Variants in TUBD1 observed in about 807,000 individuals in gnomAD.
TUBD1 encodes tubulin delta 1, also known as tubulin delta chain.
A neutral mutation model predicts 51.2 loss-of-function variants in TUBD1; 38 were observed. The ratio of observed to expected loss-of-function variants is 0.74; its 90% CI spans 0.57 to 0.97. The LOEUF is 0.97. Ranked by LOEUF, TUBD1 falls within the 50% of genes least tolerant of loss-of-function variation. TUBD1 has a pLI of 0.00. For synonymous variants in TUBD1, 169 were observed against 178.2 expected (o/e 0.95, Z 0.41); for missense variants, 489 against 538.4 (o/e 0.91, Z 0.91).
At chr17:59,886,024 A>G in intron 3 of TUBD1, 59 bp downstream of exon 3, 2 of 1,562,022 alleles carry the variant, frequency 1.3e-6, no homozygotes, top group Non-Finnish European at 8.8e-7. Context: ...TAACTTTGCT[A>G]TCTATTAATT....
chr17:59,890,718 AG>A (rs2040960342), intron 2 of TUBD1, 112 bp downstream of exon 2: 1 of 890,966 alleles, frequency 1.1e-6, no homozygotes, highest in African/African-American at 1.7e-5. Flanking sequence ...GCAAAAACAA[AG>A]TAATTCCCTA....
In TUBD1 at chr17:59,874,528, C is replaced by T; in HGVS notation, c.934+11G>A. The T allele has an allele frequency of 6.2e-7, 1 of 1,606,342 alleles. No homozygotes were observed. On this transcript the variant is annotated intron_variant, in intron 6 of 8. Coordinates refer to ENST00000325752, the MANE Select transcript of TUBD1 (RefSeq NM_016261.4). ...AGCTTGTGGGCTGCATATTTTTGGA[C>T]TACTCTTTACCTTCTTCCATCTTTG...
chr17:59,867,190 C>T (rs1319396639), intron 6 of TUBD1, among the ~76,000 whole-genome samples: 1 of 151,706 alleles, frequency 6.6e-6, no homozygotes, highest in South Asian at 2.1e-4. Flanking sequence ...CAGGGTCTCT[C>T]GCTATGTCAC....
intron 8 of TUBD1, among the ~76,000 whole-genome samples, chr17:59,860,855 G>C (rs1013121370): frequency 1.3e-5 from 2 of 151,952 alleles, no homozygotes; most frequent in South Asian, 4.1e-4. Flanking sequence ...CCAAAGTGCT[G>C]GGATTACAGG....
intron 5 of TUBD1, among the ~76,000 whole-genome samples, chr17:59,877,250 G>A (rs1598541747): frequency 6.6e-6 from 1 of 152,222 alleles, no homozygotes; most frequent in Non-Finnish European, 1.5e-5. Context: ...CAAAATCCCA[G>A]TCTTCGGCCA....
At chr17:59,861,544 A>G (rs148541408) in intron 8 of TUBD1, among the ~76,000 whole-genome samples, 1 of 152,270 alleles carries the variant, frequency 6.6e-6, no homozygotes, top group Non-Finnish European at 1.5e-5. Flanking sequence ...TGCAAAAAGA[A>G]TATCAAGGGC....
In TUBD1 at chr17:59,878,088, TA is replaced by T. The variant is rs1354737132; in HGVS notation, c.769+14del. ...ATAAGGCTTTCCTATAATTAACGTA[TA>T]GAGGGACAAATACCTAGTGGATTTC... On this transcript the variant is annotated intron_variant, in intron 5 of 8. Transcript: ENST00000325752. The T allele has an allele frequency of 3.1e-6, 5 of 1,598,888 alleles. No homozygotes were observed. The Admixed American group carries it at 8.4e-5, about 27-fold the overall frequency.
intron 3 of TUBD1, among the ~76,000 whole-genome samples, chr17:59,882,272 AT>A (rs1349936801): frequency 6.7e-6 from 1 of 150,278 alleles, no homozygotes; most frequent in Non-Finnish European, 1.5e-5. Flanking sequence ...CTCCTTTTTT[AT>A]TTTTTTTGTT....
At chr17:59,879,061 T>A (rs897851841) in intron 4 of TUBD1, among the ~76,000 whole-genome samples, 11 of 151,964 alleles carry the variant, frequency 7.2e-5, no homozygotes, top group Admixed American at 1.3e-4. Context: ...GATCACCTGA[T>A]GTTGAGGGTT....
chr17:59,891,529 ACT>A (rs993192224), intron 1 of TUBD1, among the ~76,000 whole-genome samples: 19 of 152,050 alleles, frequency 1.2e-4, no homozygotes, highest in African/African-American at 4.3e-4. Context: ...AAGTTCTCAT[ACT>A]CTCTACATGG....
At chr17:59,862,569 C>T (rs952687408) in intron 8 of TUBD1, among the ~76,000 whole-genome samples, 12 of 151,520 alleles carry the variant, frequency 7.9e-5, no homozygotes, top group African/African-American at 1.7e-4. Context: ...GATGGAGTCT[C>T]GCTCTTGTTG....
At chr17:59,871,689 A>G (rs2039988777) in intron 6 of TUBD1, among the ~76,000 whole-genome samples, 1 of 152,230 alleles carries the variant, frequency 6.6e-6, no homozygotes, top group Non-Finnish European at 1.5e-5. Context: ...CCTAGAGAGC[A>G]GTCAGTCCAG....
chr17:59,871,267 C>T (rs541562234), intron 6 of TUBD1, among the ~76,000 whole-genome samples: 2 of 152,278 alleles, frequency 1.3e-5, no homozygotes, highest in South Asian at 4.1e-4. Flanking sequence ...ACGATCTCAG[C>T]TCACTGCAAC....
intron 3 of TUBD1, among the ~76,000 whole-genome samples, chr17:59,884,179 T>C (rs1246494588): frequency 6.6e-6 from 1 of 151,558 alleles, no homozygotes; most frequent in Non-Finnish European, 1.5e-5. Context: ...GAGAATCACT[T>C]GAACCCGGGA....
Position 59,892,896 on chromosome 17 carries a change from A to T in TUBD1, c.-239T>A. On this transcript the variant is annotated 5_prime_UTR_variant, in exon 1 of 9. Coordinates refer to ENST00000325752, the MANE Select transcript of TUBD1 (RefSeq NM_016261.4). The stretch of plus-strand genomic sequence containing the variant: ...TTCAATTTCAATTTACGAACTTCAG[A>T]TATGGTACGCATGCTCACTGTCCAC... The T allele has an allele frequency of 2.4e-6, 1 of 420,818 alleles. No individual in the cohort carries two copies. 26.1% of individuals were successfully genotyped at this position (420,818 alleles called of 1,614,324 possible).
chr17:59,872,693 AATGTGTGT>A (rs1394432317), intron 6 of TUBD1, among the ~76,000 whole-genome samples: 104 of 97,976 alleles, frequency 1.1e-3, no homozygotes, highest in African/African-American at 4.2e-3. Context: ...TGAAAATGGG[AATGTGTGT>A]GTGTGTGTGT....
intron 4 of TUBD1, among the ~76,000 whole-genome samples, 189 bp downstream of exon 4, chr17:59,880,705 G>A (rs922208788): frequency 1.3e-5 from 2 of 151,562 alleles, no homozygotes; most frequent in South Asian, 2.1e-4. Context: ...TAGTAGAGAC[G>A]GGGTTTCACC....
At chr17:59,867,801 GA>G (rs1444283596) in intron 6 of TUBD1, among the ~76,000 whole-genome samples, 3 of 151,986 alleles carry the variant, frequency 2.0e-5, no homozygotes, top group Admixed American at 2.0e-4. Flanking sequence ...CATGTGGGAG[GA>G]CATGACTTAG....
Position 59,866,691 on chromosome 17 carries a change from A to G in TUBD1, c.993T>C (p.Ser331=). 6.2e-7 allele frequency: 1 copy of G among 1,614,110 alleles called. No homozygotes were observed. Among genetic ancestry groups the G allele is most frequent in the Non-Finnish European group, 8.5e-7 (1 of 1,180,012 alleles). The change falls in exon 7 of 9, where the codon TCT becomes TCC. Residue 331 remains serine, a synonymous_variant. Coordinates refer to ENST00000325752, the MANE Select transcript of TUBD1 (RefSeq NM_016261.4). ...TGTTAAAATGCAGGTCCTTGTTGAG[A>G]GACATTTTACTAAGAGGAGGAAGTC... ...LSGLPPLSKM[S]LNKDLHFNTS... is the part of the protein sequence containing the mutation.
Sources: allele counts gnomAD v4.1 joint callset (sites outside exome capture counted in the v4.1 genomes callset), GRCh38; gene constraint gnomAD v4.1.1; transcripts MANE v1.5; gene names NCBI Gene and HGNC (gene_info 2026-07-23, HGNC 2026-07-21).